UNC5D: variants seen among roughly 807,000 people sequenced by gnomAD.
UNC5D encodes the protein netrin receptor UNC5D.
Under a neutral mutation model 105.4 loss-of-function variants are expected in UNC5D, and 39 were observed. The observed-to-expected ratio is 0.37, with a 90% confidence interval of 0.29 to 0.48. The LOEUF (loss-of-function observed/expected upper bound fraction) is 0.48, where lower values mean the gene tolerates loss of function less well. Among genes scored for constraint, UNC5D ranks in the 20% least tolerant of loss-of-function variants. The pLI is 0.98. For missense variants in UNC5D, 991 were observed against 1,202.4 expected (o/e 0.82, Z 2.60); for synonymous variants, 452 against 450.4 (o/e 1.00, Z -0.04).
intron 1 of UNC5D, among the ~76,000 whole-genome samples, chr8:35,305,569 T>TTC (rs71215624): frequency 0.29 from 11,119 of 38,942 alleles, 667 homozygotes; most frequent in East Asian, 0.55. Context: ...CTTCCTTTCT[T>TTC]TCTTTCTTTT....
chr8:35,565,451 T>G (rs1377872247), intron 2 of UNC5D, among the ~76,000 whole-genome samples: 1 of 152,206 alleles, frequency 6.6e-6, no homozygotes, highest in Admixed American at 6.5e-5. Flanking sequence ...TCTTGCTGAC[T>G]TGCTTGAGTC....
At chr8:35,689,635 C>T (rs567008185) in intron 7 of UNC5D, among the ~76,000 whole-genome samples, 1 of 152,182 alleles carries the variant, frequency 6.6e-6, no homozygotes, top group Non-Finnish European at 1.5e-5. Context: ...GGAAGGCTGT[C>T]AGGCAGGAAG....
At chr8:35,687,519 G>T (rs1759115960) in intron 7 of UNC5D, among the ~76,000 whole-genome samples, 2 of 151,944 alleles carry the variant, frequency 1.3e-5, no homozygotes, top group Non-Finnish European at 1.5e-5. Context: ...TATCACAGTG[G>T]TCTGGCAGAG....
intron 6 of UNC5D, among the ~76,000 whole-genome samples, chr8:35,685,227 A>G (rs1825927049): frequency 6.6e-6 from 1 of 152,242 alleles, no homozygotes. Flanking sequence ...AAGACAATTG[A>G]TAGAGACTGT....
chr8:35,380,153 G>A lies in UNC5D; in HGVS notation c.103+144266G>A, dbSNP rs1285262017. On this transcript the variant is annotated intron_variant, in intron 1 of 16. Transcript: ENST00000404895. ...CGAGAGAGAGAGACAGACAGAGACCGAGAGGGAGAGACAGAGACCAAGACG... is the reference window on the plus strand; with the variant it reads ...CGAGAGAGAGAGACAGACAGAGACCAAGAGGGAGAGACAGAGACCAAGACG... 1.4e-5 allele frequency among the ~76,000 whole-genome samples: 2 copies of A among 143,706 alleles called. 1 individual carries two copies. The highest frequency in any genetic ancestry group is 1.4e-4 in the Admixed American group (2 of 14,234). The allele number at this position is 143,706 out of a possible 152,430, so 94.3% of individuals were successfully genotyped here. A position where few individuals can be genotyped will look rare whatever the true frequency, so the allele number is the denominator to read the frequency against.
chr8:35,440,760 C>T (rs1394909699), intron 1 of UNC5D, among the ~76,000 whole-genome samples: 3 of 151,972 alleles, frequency 2.0e-5, no homozygotes, highest in African/African-American at 7.2e-5. Context: ...CCCTAGACAA[C>T]TCTGCCACAT....
intron 2 of UNC5D, among the ~76,000 whole-genome samples, chr8:35,551,209 G>A (rs1296547095): frequency 6.6e-6 from 1 of 152,182 alleles, no homozygotes; most frequent in African/African-American, 2.4e-5. Flanking sequence ...GTAAGAACTG[G>A]TTCAAGAGTC....
chr8:35,635,890 A>G (rs1822340076), intron 4 of UNC5D, among the ~76,000 whole-genome samples: 1 of 152,138 alleles, frequency 6.6e-6, no homozygotes, highest in Non-Finnish European at 1.5e-5. Flanking sequence ...TCTCAGACTC[A>G]CTGAGGTGTG....
chr8:35,374,461 A>G (rs1052416357), intron 1 of UNC5D, among the ~76,000 whole-genome samples: 8 of 152,224 alleles, frequency 5.3e-5, no homozygotes, highest in South Asian at 2.1e-4. Flanking sequence ...AGATTAAAGC[A>G]TGTGCAAAGC....
chr8:35,256,953 T>G (rs989898787), intron 1 of UNC5D, among the ~76,000 whole-genome samples: 4 of 113,178 alleles, frequency 3.5e-5, no homozygotes, highest in Admixed American at 9.3e-5. Flanking sequence ...CTCCTGCTCT[T>G]TTTTTGTTTT....
chr8:35,657,459 A>G (rs1239529308), intron 4 of UNC5D, among the ~76,000 whole-genome samples: 1 of 151,484 alleles, frequency 6.6e-6, no homozygotes, highest in Non-Finnish European at 1.5e-5. Context: ...CATTACCAGT[A>G]TTTTGCCTGA....
chr8:35,275,129 T>C (rs1805687837), intron 1 of UNC5D, among the ~76,000 whole-genome samples: 4 of 149,626 alleles, frequency 2.7e-5, no homozygotes, highest in Admixed American at 1.3e-4. Context: ...TATATATTTT[T>C]ATATATATAT....
chr8:35,636,633 C>T (rs958113600), intron 4 of UNC5D, among the ~76,000 whole-genome samples: 3 of 152,286 alleles, frequency 2.0e-5, no homozygotes. Flanking sequence ...TCCCTCCTGG[C>T]CCTGTCTTCC....
chr8:35,304,460 T>C (rs572065207), intron 1 of UNC5D, among the ~76,000 whole-genome samples: 17 of 152,242 alleles, frequency 1.1e-4, no homozygotes, highest in Admixed American at 9.8e-4. Context: ...TTTTAGTTAA[T>C]TTCATAATAA....
chr8:35,689,177 C>G lies in UNC5D; in HGVS notation c.1084+2468C>G, dbSNP rs562140221. Among the ~76,000 whole-genome samples, 9 of 152,342 alleles carry G rather than the reference C, an allele frequency of 5.9e-5. No individual in the cohort carries two copies. In the East Asian group the frequency reaches 1.7e-3, roughly 29 times the overall value. On this transcript the variant is annotated intron_variant, in intron 7 of 16. Coordinates refer to ENST00000404895, the MANE Select transcript of UNC5D (RefSeq NM_080872.4). ...AAATCAATGGATATCAGGCTTCAAT[C>G]TTAATTGACTAAGACTTAATCTGAG...
At chr8:35,308,049 A>G (rs1367020595) in intron 1 of UNC5D, among the ~76,000 whole-genome samples, 1 of 151,988 alleles carries the variant, frequency 6.6e-6, no homozygotes, top group Non-Finnish European at 1.5e-5. Context: ...TCTTACTAAG[A>G]AGAAGGAAAT....
At chr8:35,619,436 G>C (rs1020384589) in intron 4 of UNC5D, among the ~76,000 whole-genome samples, 8 of 152,150 alleles carry the variant, frequency 5.3e-5, no homozygotes, top group African/African-American at 1.9e-4. Flanking sequence ...CACTGAAGCA[G>C]AGACTCTAGA....
chr8:35,775,298 A>G (rs1802194708), intron 16 of UNC5D, among the ~76,000 whole-genome samples: 1 of 152,222 alleles, frequency 6.6e-6, no homozygotes, highest in African/African-American at 2.4e-5. Flanking sequence ...AAGCTTGCCT[A>G]GGAACTGTGA....
At chr8:35,732,276 G>T (rs898517427) in intron 11 of UNC5D, among the ~76,000 whole-genome samples, 7 of 152,170 alleles carry the variant, frequency 4.6e-5, no homozygotes, top group Non-Finnish European at 1.0e-4. Context: ...TACAGGGCTC[G>T]AGAGGCATGG....
Sources: allele counts gnomAD v4.1 joint callset (sites outside exome capture counted in the v4.1 genomes callset), GRCh38; gene constraint gnomAD v4.1.1; transcripts MANE v1.5; gene names NCBI Gene and HGNC (gene_info 2026-07-23, HGNC 2026-07-21).